SHLD2: variants seen among roughly 807,000 people sequenced by gnomAD.
SHLD2 encodes the protein RINN1-REV7-interacting novel NHEJ regulator 2.
A neutral mutation model predicts 73.2 loss-of-function variants in SHLD2; 30 were observed. That is an observed-to-expected ratio of 0.41 (90% CI 0.31 to 0.56). SHLD2 has a LOEUF of 0.56. SHLD2 is among the 20% of genes least tolerant of loss of function. The pLI, the probability that SHLD2 is intolerant of heterozygous loss-of-function variation, is 0.28. For missense variants in SHLD2, 745 were observed against 1,055.9 expected (o/e 0.71, Z 4.08); for synonymous variants, 285 against 370.1 (o/e 0.77, Z 2.64).
intron 2 of SHLD2, among the ~76,000 whole-genome samples, chr10:87,146,899 A>G (rs1845649737): frequency 6.6e-6 from 1 of 151,722 alleles, no homozygotes; most frequent in Non-Finnish European, 1.5e-5. Context: ...TCTACTAAAA[A>G]TACAAAATTA....
rs1248684102 is a variant in SHLD2, at chr10:87,176,016, T to C, written c.2091T>C (p.Phe697=). Reference sequence around the variant, plus strand: ...ATGATGATATAAGGGCAATTACATTTAAAGCAAAATTTCAAAAAAGTGCAC... The same window carrying C: ...ATGATGATATAAGGGCAATTACATTCAAAGCAAAATTTCAAAAAAGTGCAC... ...LFDDDIRAIT[F]KAKFQKSAPS... is the part of the protein sequence containing the mutation. The change falls in exon 7 of 10, where the codon TTT becomes TTC. Residue 697 remains phenylalanine (F), a synonymous_variant. Transcript: ENST00000298786. The C allele has an allele frequency of 1.9e-6, 3 of 1,548,798 alleles. No individual in the cohort carries two copies. The highest frequency in any genetic ancestry group is 2.6e-6 in the Non-Finnish European group (3 of 1,146,834).
chr10:87,113,181 G>A (rs913182833), intron 2 of SHLD2, among the ~76,000 whole-genome samples: 7 of 152,074 alleles, frequency 4.6e-5, no homozygotes, highest in Admixed American at 3.3e-4. Flanking sequence ...AAAATTAGCC[G>A]AACATGGTGG....
chr10:87,183,556 CTT>C (rs1848438654), intron 8 of SHLD2, among the ~76,000 whole-genome samples: 1 of 152,334 alleles, frequency 6.6e-6, no homozygotes, highest in African/African-American at 2.4e-5. Context: ...ACATCTCCCT[CTT>C]GTCCCTTCGT....
chr10:87,154,608 T>C (rs1251772629), intron 3 of SHLD2, among the ~76,000 whole-genome samples: 3 of 152,178 alleles, frequency 2.0e-5, no homozygotes, highest in Admixed American at 6.5e-5. Flanking sequence ...TTCGAACTCC[T>C]GTCCTCAGGT....
rs560614223 is a variant in SHLD2 at position 87,097,580 on chromosome 10, A to G, written c.-6+591A>G. The stretch of plus-strand genomic sequence containing the variant: ...GCACTCCAGCCTGGGCAACAGAGCG[A>G]GTCTTCATCTCAAAAAAGGAAAGGC... On this transcript the variant is annotated intron_variant, in intron 2 of 9. Transcript: ENST00000298786. Among the ~76,000 whole-genome samples the G allele has an allele frequency of 3.8e-4, 58 of 152,206 alleles. 2 individuals carry two copies. In the East Asian group the frequency reaches 9.7e-3, roughly 25 times the overall value.
intron 8 of SHLD2, among the ~76,000 whole-genome samples, chr10:87,185,737 T>G (rs1209747983): frequency 1.3e-5 from 2 of 152,180 alleles, no homozygotes; most frequent in Non-Finnish European, 2.9e-5. Context: ...TGAGTTAAGT[T>G]TTGTATGTGG....
rs367571757 is a variant in SHLD2, at chr10:87,107,836, T to TTTTC, written c.-6+10863_-6+10866dup. Among the ~76,000 whole-genome samples the TTTTC allele has an allele frequency of 6.0e-3, 908 of 152,138 alleles. 12 individuals carry two copies. Among genetic ancestry groups the TTTTC allele is most frequent in the African/African-American group, 0.021 (862 of 41,500 alleles). The stretch of plus-strand genomic sequence containing the variant: ...CATACTTAAATATACAAAGATGTAA[T>TTTTC]TTTCTTTCTTTCTTTCTTTTTTTTT... On this transcript the variant is annotated intron_variant, in intron 2 of 9. Transcript: ENST00000298786.
At chr10:87,128,096 T>A (rs1328019648) in intron 2 of SHLD2, among the ~76,000 whole-genome samples, 1 of 152,192 alleles carries the variant, frequency 6.6e-6, no homozygotes, top group Non-Finnish European at 1.5e-5. Context: ...TTATACAGTT[T>A]AATGAGTCAA....
chr10:87,108,305 TC>T (rs879686301), intron 2 of SHLD2, among the ~76,000 whole-genome samples: 1 of 152,182 alleles, frequency 6.6e-6, no homozygotes, highest in Non-Finnish European at 1.5e-5. Context: ...CTCCTTGGCC[TC>T]CCAAAGTGCT....
chr10:87,185,495 T>C (rs1245826323), intron 8 of SHLD2, among the ~76,000 whole-genome samples: 1 of 152,216 alleles, frequency 6.6e-6, no homozygotes, highest in Non-Finnish European at 1.5e-5. Flanking sequence ...ACTACCAGGC[T>C]GTTTTCCAAA....
chr10:87,151,576 T>A lies in SHLD2; in HGVS notation c.222T>A (p.Ser74Arg). 6.2e-7 allele frequency: 1 copy of A among 1,611,608 alleles called. No individual in the cohort carries two copies. The highest frequency in any genetic ancestry group is 2.2e-5 in the East Asian group (1 of 44,858). The change falls in exon 3 of 10, where the codon AGT becomes AGA. Residue 74 changes from serine to arginine, a missense_variant. By Grantham distance (110) the Ser-to-Arg change is moderately radical (BLOSUM62 -1). This residue lies in a region of SHLD2 where 280 missense variants were observed against 353.9 expected (regional missense o/e 0.79). Coordinates refer to ENST00000298786, the MANE Select transcript of SHLD2 (RefSeq NM_001330112.2). ...AATCTATTGGTTCTCCAGATCTTAGTGGTCATTTCTTAGCAAACTGTATGA... is the reference window on the plus strand; with the variant it reads ...AATCTATTGGTTCTCCAGATCTTAGAGGTCATTTCTTAGCAAACTGTATGA... ...VPESIGSPDLSGHFLANCMNR... is the reference protein window; with the variant it reads ...VPESIGSPDLRGHFLANCMNR...
chr10:87,137,632 AG>A lies in SHLD2; in HGVS notation c.-5-13717del, dbSNP rs370356162. Among the ~76,000 whole-genome samples, 632 of 152,338 alleles carry A rather than the reference AG, an allele frequency of 4.1e-3. 5 individuals carry two copies. The highest frequency in any genetic ancestry group is 0.014 in the African/African-American group (600 of 41,584). ...TCAGAAGGAGAGAAGAGAATGTGGC[AG>A]AAGACATATTTGAAGAGACAATGCT... On this transcript the variant is annotated intron_variant, in intron 2 of 9. Transcript: ENST00000298786.
At chr10:87,134,948 G>A (rs1844696156) in intron 2 of SHLD2, among the ~76,000 whole-genome samples, 2 of 152,174 alleles carry the variant, frequency 1.3e-5, no homozygotes, top group African/African-American at 4.8e-5. Flanking sequence ...CGACTGGAGA[G>A]CAAGGAGAAT....
intron 2 of SHLD2, among the ~76,000 whole-genome samples, chr10:87,113,711 T>TA (rs1335582067): frequency 6.6e-6 from 1 of 151,964 alleles, no homozygotes; most frequent in African/African-American, 2.4e-5. Flanking sequence ...CTATGTCAAT[T>TA]AAAAAAAAGT....
rs150851547 is a variant in SHLD2 at position 87,148,029 on chromosome 10, C to T, written c.-5-3321C>T. Among the ~76,000 whole-genome samples, 1,171 of 152,108 alleles carry T rather than the reference C, an allele frequency of 7.7e-3. 17 individuals carry two copies. The highest frequency in any genetic ancestry group is 0.027 in the African/African-American group (1,122 of 41,500). On this transcript the variant is annotated intron_variant, in intron 2 of 9. Transcript: ENST00000298786. ...CGTGCCACCACACCTGGCTAATTTT[C>T]GTATTTTTACAGGATTTTACCATGT...
chr10:87,122,658 A>G (rs1396696412), intron 2 of SHLD2, among the ~76,000 whole-genome samples: 1 of 152,212 alleles, frequency 6.6e-6, no homozygotes, highest in African/African-American at 2.4e-5. Context: ...GTGTTATGAG[A>G]ATTCCTAATA....
intron 2 of SHLD2, among the ~76,000 whole-genome samples, chr10:87,101,924 C>T (rs1259474532): frequency 6.6e-6 from 1 of 152,144 alleles, no homozygotes; most frequent in Non-Finnish European, 1.5e-5. Flanking sequence ...TTCAACCTTA[C>T]TGAACTCATT....
intron 4 of SHLD2, among the ~76,000 whole-genome samples, chr10:87,158,957 G>T (rs1846625760): frequency 6.6e-6 from 1 of 152,078 alleles, no homozygotes; most frequent in Non-Finnish European, 1.5e-5. Flanking sequence ...TTGTTATGAA[G>T]ATTAAGTGAG....
At chr10:87,186,093 T>TA (rs1287384336) in intron 8 of SHLD2, among the ~76,000 whole-genome samples, 1 of 152,158 alleles carries the variant, frequency 6.6e-6, no homozygotes, top group Non-Finnish European at 1.5e-5. Flanking sequence ...ACCCAGCACT[T>TA]ACCACAGTCC....
Sources: allele counts gnomAD v4.1 joint callset (sites outside exome capture counted in the v4.1 genomes callset), GRCh38; gene constraint gnomAD v4.1.1; regional missense constraint gnomAD v4.1.1; transcripts MANE v1.5; gene names NCBI Gene and HGNC (gene_info 2026-07-23, HGNC 2026-07-21).